Variants in SYCP1 observed in about 807,000 individuals in gnomAD.
The protein encoded by SYCP1 is cancer/testis antigen 8.
In SYCP1, 64 loss-of-function variants were observed where a neutral mutation model predicts 153.1. The ratio of observed to expected loss-of-function variants is 0.42; its 90% CI spans 0.34 to 0.51. SYCP1 has a LOEUF of 0.51. Among genes scored for constraint, SYCP1 ranks in the 20% least tolerant of loss-of-function variants. SYCP1 has a pLI of 0.06. For missense variants in SYCP1, 997 were observed against 1,049.0 expected, an observed-to-expected ratio of 0.95 and a Z score of 0.68; for synonymous variants, 384 against 341.8, an observed-to-expected ratio of 1.12 and a Z score of -1.36.
intron 12 of SYCP1, among the ~76,000 whole-genome samples, chr1:114,880,460 G>A (rs1665845106): frequency 6.6e-6 from 1 of 152,112 alleles, no homozygotes; most frequent in African/African-American, 2.4e-5. Flanking sequence ...GGAGCTTCCC[G>A]ATGATGTTGT....
At chr1:114,983,720 T>C (rs1673317704) in intron 29 of SYCP1, among the ~76,000 whole-genome samples, 1 of 151,984 alleles carries the variant, frequency 6.6e-6, no homozygotes, top group African/African-American at 2.4e-5. Context: ...AGCCATTTTA[T>C]TTTATTTTTT....
chr1:114,858,650 G>C lies in SYCP1; in HGVS notation c.395G>C (p.Ser132Thr). ...GAAGCTGAACTGAGACAGAAAGAAA[G>C]TAAGTTGCAAGAAAACAGAAAGATA... ...STEAELRQKE[S>T]KLQENRKIIE... The change falls in exon 6 of 32, where the codon AGT (serine) becomes ACT (threonine). Residue 132 changes from serine to threonine, a missense_variant. By Grantham distance (58) the Ser-to-Thr change is moderately conservative (BLOSUM62 1). This residue lies in a region of SYCP1 where 285 missense variants were observed against 366.1 expected (regional missense o/e 0.78). Transcript: ENST00000369522. 1 of 1,612,670 alleles carries C rather than the reference G, an allele frequency of 6.2e-7. No homozygotes were observed.
At chr1:114,866,583 T>C (rs1664762595) in intron 8 of SYCP1, among the ~76,000 whole-genome samples, 1 of 152,152 alleles carries the variant, frequency 6.6e-6, no homozygotes, top group South Asian at 2.1e-4. Context: ...ACTTAACAAT[T>C]TTGAGTCTTT....
chr1:114,918,005 T>A (rs1284153483), intron 20 of SYCP1, among the ~76,000 whole-genome samples: 1 of 151,992 alleles, frequency 6.6e-6, no homozygotes, highest in Admixed American at 6.6e-5. Context: ...CTGACTTATC[T>A]ATTTTTGCTT....
chr1:114,948,902 T>C (rs1392520435), intron 27 of SYCP1, among the ~76,000 whole-genome samples: 1 of 152,212 alleles, frequency 6.6e-6, no homozygotes. Flanking sequence ...TTTACTCTAG[T>C]CAGTAAACAT....
chr1:114,992,498 A>G (rs1014702258), intron 30 of SYCP1, among the ~76,000 whole-genome samples: 5 of 151,682 alleles, frequency 3.3e-5, no homozygotes, highest in Admixed American at 6.6e-5. Flanking sequence ...CCTCACATAC[A>G]TAGTCAGTTG....
At chr1:114,945,981 G>A (rs1670680335) in intron 25 of SYCP1, among the ~76,000 whole-genome samples, 2 of 151,982 alleles carry the variant, frequency 1.3e-5, no homozygotes, top group South Asian at 4.1e-4. Flanking sequence ...AAGCCCTGGT[G>A]TTTCTGGCAA....
At chr1:114,909,789 T>C (rs1476906764) in intron 16 of SYCP1, among the ~76,000 whole-genome samples, 1 of 152,186 alleles carries the variant, frequency 6.6e-6, no homozygotes, top group Non-Finnish European at 1.5e-5. Context: ...TTGTTATCAA[T>C]CTGTCTCCAC....
In SYCP1 at chr1:114,984,857, A is replaced by T; in HGVS notation, c.2692A>T (p.Thr898Ser). ...TATTAATTCAGATAGTTCAGAAACT[A>T]CTGATCTTTTGGTAAAAATTTTACA... is the stretch of plus-strand genomic sequence containing the variant. ...FDINSDSSET[T>S]DLLSMVSEEE... is the part of the protein sequence containing the mutation. The change falls in exon 30 of 32, where the codon ACT becomes TCT. Residue 898 changes from threonine (T) to serine (S), a missense_variant. Transcript: ENST00000369522. The T allele has an allele frequency of 7.0e-7, 1 of 1,422,512 alleles. No individual in the cohort carries two copies. The highest frequency in any genetic ancestry group is 9.4e-7 in the Non-Finnish European group (1 of 1,065,558). 88.1% of individuals were successfully genotyped at this position (1,422,512 alleles called of 1,614,324 possible).
intron 23 of SYCP1, among the ~76,000 whole-genome samples, chr1:114,929,507 G>C (rs1669487367): frequency 1.3e-5 from 2 of 151,672 alleles, no homozygotes; most frequent in Non-Finnish European, 2.9e-5. Context: ...AAAAGATGAA[G>C]GAAAGAAATA....
chr1:114,890,487 G>A (rs1666628580), intron 15 of SYCP1, among the ~76,000 whole-genome samples: 1 of 151,888 alleles, frequency 6.6e-6, no homozygotes, highest in Admixed American at 6.6e-5. Context: ...ATTTCTTATT[G>A]ATGGAGGTAT....
At chr1:114,888,254 A>G (rs2101560662) in intron 15 of SYCP1, among the ~76,000 whole-genome samples, 1 of 152,192 alleles carries the variant, frequency 6.6e-6, no homozygotes, top group African/African-American at 2.4e-5. Context: ...ATATCTACAA[A>G]TGTGGAAAAT....
rs1674176692 is a variant in SYCP1 at position 114,994,904 on chromosome 1, C to G, written c.2816C>G (p.Pro939Arg). The G allele has an allele frequency of 6.2e-7, 1 of 1,604,862 alleles. No homozygotes were observed. Among genetic ancestry groups the G allele is most frequent in the African/African-American group, 1.3e-5 (1 of 74,252 alleles). ...PKKAPSSLTT[P>R]GSTLKFGAIR... ...CAGGCCCCTTCATCTCTAACAACCC[C>G]TGGATCTACACTGAAGTTTGGAGCT... Residue 939 changes from proline to arginine, a missense_variant, in exon 32 of 32, where the codon CCT becomes CGT. Transcript: ENST00000369522.
chr1:114,885,733 A>C, intron 13 of SYCP1, 104 bp downstream of exon 13: 1 of 661,224 alleles, frequency 1.5e-6, no homozygotes, highest in East Asian at 3.2e-5. Context: ...TGGAGTTTCA[A>C]ATAGTTAGAG....
At chr1:114,978,294 G>A (rs1457735845) in intron 28 of SYCP1, among the ~76,000 whole-genome samples, 1 of 151,586 alleles carries the variant, frequency 6.6e-6, no homozygotes. Context: ...GTATAAAGGA[G>A]AAGAGCAGAA....
chr1:114,907,154 A>T (rs562098678), intron 16 of SYCP1, among the ~76,000 whole-genome samples: 1 of 152,198 alleles, frequency 6.6e-6, no homozygotes, highest in East Asian at 1.9e-4. Context: ...CATGTTTCTT[A>T]TGCTTGTTGT....
intron 20 of SYCP1, among the ~76,000 whole-genome samples, chr1:114,920,191 T>C (rs1668775219): frequency 6.6e-6 from 1 of 152,090 alleles, no homozygotes; most frequent in South Asian, 2.1e-4. Context: ...CTATTATCCT[T>C]TGTTTCAAGA....
At chr1:114,969,142 C>T (rs1328856204) in intron 27 of SYCP1, among the ~76,000 whole-genome samples, 1 of 152,166 alleles carries the variant, frequency 6.6e-6, no homozygotes, top group Non-Finnish European at 1.5e-5. Context: ...GTCTCCCAAA[C>T]AGGAGGCACG....
intron 27 of SYCP1, among the ~76,000 whole-genome samples, chr1:114,975,277 CATCTT>C (rs1232923112): frequency 6.6e-6 from 1 of 150,590 alleles, no homozygotes; most frequent in African/African-American, 2.4e-5. Flanking sequence ...ATGTTTTTGT[CATCTT>C]ATTTTTCACT....
Sources: allele counts gnomAD v4.1 joint callset (sites outside exome capture counted in the v4.1 genomes callset), GRCh38; gene constraint gnomAD v4.1.1; regional missense constraint gnomAD v4.1.1; transcripts MANE v1.5; gene names NCBI Gene and HGNC (gene_info 2026-07-23, HGNC 2026-07-21).